Variants in LRRC8D observed in about 807,000 individuals in gnomAD.
The protein encoded by LRRC8D is volume-regulated anion channel subunit LRRC8D.
A neutral mutation model predicts 55.8 loss-of-function variants in LRRC8D; 20 were observed. The observed-to-expected ratio is 0.36, with a 90% CI of 0.25 to 0.52. LRRC8D has a LOEUF of 0.52. Ranked by LOEUF, LRRC8D falls within the 20% of genes least tolerant of loss-of-function variation. The pLI is 0.93. For missense variants in LRRC8D, 651 were observed against 1,030.8 expected (o/e 0.63, Z 5.05); for synonymous variants, 352 against 377.0 (o/e 0.93, Z 0.77).
intron 2 of LRRC8D, among the ~76,000 whole-genome samples, chr1:89,880,128 A>G (rs1417613985): frequency 6.6e-6 from 1 of 151,180 alleles, no homozygotes; most frequent in African/African-American, 2.4e-5. Flanking sequence ...CATATTACTG[A>G]TTGGAAATTG....
In LRRC8D at chr1:89,921,373, T is replaced by C. The variant is rs561585526; in HGVS notation, c.-2-11694T>C. On this transcript the variant is annotated intron_variant, in intron 2 of 2. Coordinates refer to ENST00000337338, the MANE Select transcript of LRRC8D (RefSeq NM_001134479.2). ...AACAAAAAAGAAAAACTAAGTATAATTGAGTGTTATATTGATTACATTAAT... is the reference window on the plus strand; with the variant it reads ...AACAAAAAAGAAAAACTAAGTATAACTGAGTGTTATATTGATTACATTAAT... Among the ~76,000 whole-genome samples the C allele has an allele frequency of 5.3e-5, 8 of 152,172 alleles. No homozygotes were observed. The East Asian group carries it at 9.7e-4, about 18-fold the overall frequency.
intron 2 of LRRC8D, among the ~76,000 whole-genome samples, chr1:89,845,906 C>T (rs995423078): frequency 1.8e-4 from 28 of 151,988 alleles, no homozygotes; most frequent in Admixed American, 6.6e-5. Context: ...CACAGCCTCC[C>T]GAGTAGCTGG....
At chr1:89,900,988 A>G (rs1001350402) in intron 2 of LRRC8D, among the ~76,000 whole-genome samples, 6 of 152,204 alleles carry the variant, frequency 3.9e-5, no homozygotes, top group Admixed American at 6.5e-5. Flanking sequence ...CTTTCCTGCC[A>G]TACGTTATCA....
At chr1:89,869,450 G>A (rs1475380838) in intron 2 of LRRC8D, among the ~76,000 whole-genome samples, 1 of 152,158 alleles carries the variant, frequency 6.6e-6, no homozygotes, top group Non-Finnish European at 1.5e-5. Flanking sequence ...CAAGAAATAT[G>A]GGACTATGTG....
chr1:89,831,745 G>A (rs1439161514), intron 1 of LRRC8D, among the ~76,000 whole-genome samples: 2 of 152,122 alleles, frequency 1.3e-5, no homozygotes, highest in Non-Finnish European at 2.9e-5. Flanking sequence ...AAGGAAAAGA[G>A]TTTATGTCAG....
At position 89,933,307 on chromosome 1, in the gene LRRC8D, C is replaced by A; in HGVS notation, c.239C>A (p.Pro80Gln). The change falls in exon 3 of 3, where the codon CCA (proline) becomes CAA (glutamine). Residue 80 changes from proline to glutamine, a missense_variant. Around this residue, in one of 5 missense-constraint regions of LRRC8D, gnomAD observed 118 missense variants for 138.0 expected, o/e 0.85. Coordinates refer to ENST00000337338, the MANE Select transcript of LRRC8D (RefSeq NM_001134479.2). This position sits in a 1 kb window ranked among gnomAD's most constrained non-coding sequence, Gnocchi z 7.0. The stretch of plus-strand genomic sequence containing the variant: ...AATGCCGAGGTCACCACCAACATCC[C>A]AAAGATGGAAGCAGCCACCAACCAA... The part of the protein sequence containing the change: ...PGNAEVTTNI[P>Q]KMEAATNQDQ... 1 of 1,614,128 alleles carries A rather than the reference C, an allele frequency of 6.2e-7. No homozygotes were observed. The highest frequency in any genetic ancestry group is 1.3e-5 in the African/African-American group (1 of 75,044).
rs138871816 is a variant in LRRC8D, at chr1:89,893,339, G to A, written c.-2-39728G>A. Among the ~76,000 whole-genome samples the A allele has an allele frequency of 3.8e-3, 576 of 152,256 alleles. 5 individuals are homozygous for A. Among genetic ancestry groups the A allele is most frequent in the Admixed American group, 0.028 (429 of 15,290 alleles). On this transcript the variant is annotated intron_variant, in intron 2 of 2. Transcript: ENST00000337338. The stretch of plus-strand genomic sequence containing the variant: ...AAGAACTGAAGGGCAGCCAGTGGGC[G>A]AAAACATGGTTATAGCTTTCAGTTA...
At chr1:89,918,456 T>C (rs1663329672) in intron 2 of LRRC8D, among the ~76,000 whole-genome samples, 1 of 152,338 alleles carries the variant, frequency 6.6e-6, no homozygotes, top group Admixed American at 6.5e-5. Context: ...GAAAACCCCA[T>C]GCAGGACAAG....
At chr1:89,867,314 G>A (rs761387610) in intron 2 of LRRC8D, among the ~76,000 whole-genome samples, 2 of 152,076 alleles carry the variant, frequency 1.3e-5, no homozygotes, top group African/African-American at 2.4e-5. Flanking sequence ...ATATTTTTAA[G>A]GTTCAGCTAC....
At chr1:89,845,417 A>G (rs986738748) in intron 2 of LRRC8D, among the ~76,000 whole-genome samples, 10 of 152,192 alleles carry the variant, frequency 6.6e-5, no homozygotes, top group Non-Finnish European at 1.2e-4. Flanking sequence ...TACGTCATGA[A>G]AAGTGAGAAA....
chr1:89,915,046 GGTGTGTGTGTA>G lies in LRRC8D; in HGVS notation c.-2-18020_-2-18010del, dbSNP rs536177867. 6.6e-3 allele frequency among the ~76,000 whole-genome samples: 991 copies of G among 149,484 alleles called. 4 individuals carry two copies. Among genetic ancestry groups the G allele is most frequent in the African/African-American group, 0.024 (953 of 40,148 alleles). On this transcript the variant is annotated intron_variant, in intron 2 of 2. Transcript: ENST00000337338. ...TGTGTGTGTGTGTGTGTGTGTGTGTGGTGTGTGTGTATGTGTGTGGTGTGTTCAGCACCTAG... is the reference window on the plus strand; with the variant it reads ...TGTGTGTGTGTGTGTGTGTGTGTGTGTGTGTGTGGTGTGTTCAGCACCTAG...
chr1:89,850,175 G>A (rs12131677), intron 2 of LRRC8D, among the ~76,000 whole-genome samples: 27,828 of 152,140 alleles, frequency 0.18, 3,117 homozygotes, highest in Non-Finnish European at 0.26. Context: ...GCTACCCCTA[G>A]GATGTCAGTG....
chr1:89,925,162 T>G (rs1224406262), intron 2 of LRRC8D, among the ~76,000 whole-genome samples: 1 of 152,180 alleles, frequency 6.6e-6, no homozygotes, highest in African/African-American at 2.4e-5. Context: ...AGCAGCAGCA[T>G]TAGATTCTCG....
chr1:89,840,455 G>A (rs921981641), intron 1 of LRRC8D, among the ~76,000 whole-genome samples: 5 of 152,090 alleles, frequency 3.3e-5, no homozygotes, highest in Admixed American at 1.3e-4. Context: ...TAAGGAGGAG[G>A]GTTTGGGTTT....
intron 2 of LRRC8D, among the ~76,000 whole-genome samples, chr1:89,907,056 C>T (rs955606851): frequency 8.6e-5 from 13 of 152,026 alleles, no homozygotes; most frequent in Non-Finnish European, 1.6e-4. Context: ...TCAACTCCTC[C>T]AAACAAATCT....
intron 2 of LRRC8D, among the ~76,000 whole-genome samples, chr1:89,872,700 T>C (rs1371371969): frequency 6.6e-6 from 1 of 152,190 alleles, no homozygotes; most frequent in Non-Finnish European, 1.5e-5. Flanking sequence ...TGCATTTCCC[T>C]GAGATGAATG....
At chr1:89,832,420 A>G (rs1374163043) in intron 1 of LRRC8D, among the ~76,000 whole-genome samples, 4 of 152,208 alleles carry the variant, frequency 2.6e-5, no homozygotes, top group Admixed American at 6.5e-5. Context: ...TCCTGGGGCT[A>G]TCATCCCTGT....
At chr1:89,875,509 T>G (rs1241778321) in intron 2 of LRRC8D, among the ~76,000 whole-genome samples, 1 of 152,180 alleles carries the variant, frequency 6.6e-6, no homozygotes, top group Non-Finnish European at 1.5e-5. Context: ...CTATTAGATA[T>G]CCTTTAATAA....
At chr1:89,888,198 T>C (rs2816860) in intron 2 of LRRC8D, among the ~76,000 whole-genome samples, 8,444 of 152,270 alleles carry the variant, frequency 0.055, 814 homozygotes, top group African/African-American at 0.2. Flanking sequence ...GGTTACCGAC[T>C]TAAATAACTT....
Sources: gnomAD v4.1 joint callset for allele counts (sites outside exome capture counted in the v4.1 genomes callset) on GRCh38, gnomAD v4.1.1 for gene constraint, gnomAD v4.1.1 regional missense constraint, Gnocchi (gnomAD v3.1) non-coding constraint, MANE v1.5 for transcripts, NCBI Gene and HGNC (gene_info 2026-07-23, HGNC 2026-07-21) for gene names.